The following NETO2 variants were observed in gnomAD, a reference collection of about 807,000 sequenced individuals.
NETO2 encodes neuropilin and tolloid-like protein 2.
A neutral mutation model predicts 62.5 loss-of-function variants in NETO2; 28 were observed. The observed-to-expected ratio is 0.45, with a 90% CI of 0.33 to 0.61. The LOEUF (loss-of-function observed/expected upper bound fraction) is 0.61. Ranked by LOEUF, NETO2 falls within the 20% of genes least tolerant of loss-of-function variation. NETO2 has a pLI of 0.02. For synonymous variants in NETO2, 214 were observed against 219.1 expected (o/e 0.98, Z 0.21); for missense variants, 548 against 643.2 (o/e 0.85, Z 1.60).
chr16:47,091,022 C>A (rs1386873175), intron 7 of NETO2, among the ~76,000 whole-genome samples: 1 of 151,980 alleles, frequency 6.6e-6, no homozygotes, highest in Non-Finnish European at 1.5e-5. Context: ...TAGAGGAGAA[C>A]AAAAGAAATA....
chr16:47,104,402 C>T (rs1420376186), intron 7 of NETO2, among the ~76,000 whole-genome samples: 1 of 152,174 alleles, frequency 6.6e-6, no homozygotes, highest in Non-Finnish European at 1.5e-5. Flanking sequence ...TGGGAATATA[C>T]ATCCTGTGTT....
chr16:47,099,940 C>T (rs1963507030), intron 7 of NETO2, among the ~76,000 whole-genome samples: 1 of 152,206 alleles, frequency 6.6e-6, no homozygotes, highest in Non-Finnish European at 1.5e-5. Flanking sequence ...GACTTGAACT[C>T]AGCTCTGTAC....
At chr16:47,099,948 T>TA (rs1483580289) in intron 7 of NETO2, among the ~76,000 whole-genome samples, 6 of 152,118 alleles carry the variant, frequency 3.9e-5, no homozygotes, top group Non-Finnish European at 5.9e-5. Flanking sequence ...CTCAGCTCTG[T>TA]ACCAAGCAGA....
At chr16:47,114,365 C>CTTT (rs34670065) in intron 6 of NETO2, among the ~76,000 whole-genome samples, 24 of 72,528 alleles carry the variant, frequency 3.3e-4, no homozygotes, top group African/African-American at 6.3e-4. Flanking sequence ...CAGTCAGTGG[C>CTTT]TTTTTTTTTT....
chr16:47,083,043 GGTTT>G lies in NETO2; in HGVS notation c.*174_*177del. Reference sequence around the variant, plus strand: ...ACTGAATAGAGTAAGTTCCTTGATTGGTTTAACATATATAGACTGCCTGAGAGAA... The same window carrying G: ...ACTGAATAGAGTAAGTTCCTTGATTGAACATATATAGACTGCCTGAGAGAA... On this transcript the variant is annotated 3_prime_UTR_variant, in exon 9 of 9. Transcript: ENST00000562435. 1.8e-6 allele frequency: 1 copy of G among 553,034 alleles called. No individual in the cohort carries two copies. The highest frequency in any genetic ancestry group is 3.3e-5 in the South Asian group (1 of 30,764). 34.3% of individuals were successfully genotyped at this position (553,034 alleles called of 1,614,324 possible).
Position 47,128,428 on chromosome 16 carries a change from G to T in NETO2, c.378C>A (p.Ser126Arg). 6.2e-7 allele frequency: 1 copy of T among 1,614,020 alleles called. No homozygotes were observed. Among genetic ancestry groups the T allele is most frequent in the Non-Finnish European group, 8.5e-7 (1 of 1,179,984 alleles). ...TCCCTGTTGATCTAATTAATGGAGG[G>T]CTTTTCACGCCACAGTAACGATCTA... Reference protein sequence around the residue: ...PLIDRYCGVKSPPLIRSTGRF... With the variant: ...PLIDRYCGVKRPPLIRSTGRF... The change falls in exon 4 of 9, where the codon AGC becomes AGA. Residue 126 changes from serine to arginine, a missense_variant. Coordinates refer to ENST00000562435, the MANE Select transcript of NETO2 (RefSeq NM_018092.5).
intron 6 of NETO2, among the ~76,000 whole-genome samples, chr16:47,115,939 G>A (rs1444440037): frequency 6.6e-6 from 1 of 151,278 alleles, no homozygotes; most frequent in Non-Finnish European, 1.5e-5. Flanking sequence ...TGTTCCAGGA[G>A]CTTTTCAGAT....
chr16:47,135,447 C>A (rs1596750715), intron 1 of NETO2, among the ~76,000 whole-genome samples: 1 of 152,112 alleles, frequency 6.6e-6, no homozygotes, highest in Admixed American at 6.5e-5. Context: ...TTTAACCATG[C>A]AATTTGATTG....
intron 6 of NETO2, among the ~76,000 whole-genome samples, chr16:47,120,830 C>G (rs1964022911): frequency 6.6e-6 from 1 of 152,144 alleles, no homozygotes; most frequent in African/African-American, 2.4e-5. Context: ...GTCAGTGTCA[C>G]TTAAATTTTT....
chr16:47,118,124 C>A (rs1306873750), intron 6 of NETO2, among the ~76,000 whole-genome samples: 1 of 152,030 alleles, frequency 6.6e-6, no homozygotes, highest in Admixed American at 6.6e-5. Context: ...TGGAGAATGT[C>A]GTTTTTTGTT....
rs1964519616 is a variant in NETO2, at chr16:47,143,859, A to C, written c.-247T>G. The C allele has an allele frequency of 6.4e-6, 2 of 311,274 alleles. No homozygotes were observed. Among genetic ancestry groups the C allele is most frequent in the Non-Finnish European group, 5.4e-6 (1 of 185,696 alleles). The allele number at this position is 311,274 out of a possible 1,614,324, so 19.3% of individuals were successfully genotyped here. A position where few individuals can be genotyped will look rare whatever the true frequency, so the allele number is the denominator to read the frequency against. On this transcript the variant is annotated 5_prime_UTR_variant, in exon 1 of 9. Coordinates refer to ENST00000562435, the MANE Select transcript of NETO2 (RefSeq NM_018092.5). Reference sequence around the variant, plus strand: ...TGCTCCGCGGCGCCCCGTCCCATCGACCGCCCGAGGGCCGAGGAGTGCGGA... The same window carrying C: ...TGCTCCGCGGCGCCCCGTCCCATCGCCCGCCCGAGGGCCGAGGAGTGCGGA...
chr16:47,130,252 G>C (rs1964237846), intron 2 of NETO2, among the ~76,000 whole-genome samples: 1 of 152,146 alleles, frequency 6.6e-6, no homozygotes, highest in Non-Finnish European at 1.5e-5. Flanking sequence ...TTCTTCTCTG[G>C]GAGTCGAAAC....
chr16:47,088,830 C>T (rs949611034), intron 7 of NETO2, among the ~76,000 whole-genome samples: 2 of 152,134 alleles, frequency 1.3e-5, no homozygotes, highest in South Asian at 2.1e-4. Flanking sequence ...CTGCCTTACC[C>T]ACTTTGTCTA....
At chr16:47,138,306 A>C (rs1964398756) in intron 1 of NETO2, among the ~76,000 whole-genome samples, 2 of 152,226 alleles carry the variant, frequency 1.3e-5, no homozygotes, top group Non-Finnish European at 2.9e-5. Flanking sequence ...AGGCTGAGGC[A>C]GGAGAATCGC....
rs762457303 is a variant in NETO2 at position 47,122,865 on chromosome 16, A to C, written c.526+3T>G. The C allele has an allele frequency of 2.5e-6, 4 of 1,613,898 alleles. No individual in the cohort carries two copies. The highest frequency in any genetic ancestry group is 3.4e-6 in the Non-Finnish European group (4 of 1,179,948). ...AAGAGGAACAAGTGGTAATATACTAAACCTGGAATGGGATTTAAAATACCT... is the reference window on the plus strand; with the variant it reads ...AAGAGGAACAAGTGGTAATATACTACACCTGGAATGGGATTTAAAATACCT... On this transcript the variant is annotated splice_donor_region_variant and intron_variant, in intron 5 of 8. Transcript: ENST00000562435.
chr16:47,128,258 C>A, intron 4 of NETO2, 67 bp downstream of exon 4: 1 of 1,532,264 alleles, frequency 6.5e-7, no homozygotes, highest in African/African-American at 1.4e-5. Flanking sequence ...TCTTTTCTAA[C>A]CTTAAGATTC....
chr16:47,141,192 T>C (rs1291107156), intron 1 of NETO2, among the ~76,000 whole-genome samples: 2 of 152,262 alleles, frequency 1.3e-5, no homozygotes, highest in Non-Finnish European at 2.9e-5. Context: ...ACACTCATTA[T>C]GGCTGATTTA....
At position 47,091,873 on chromosome 16, in the gene NETO2, ACT is replaced by A. The variant is rs1032227724; in HGVS notation, c.884-5536_884-5535del. On this transcript the variant is annotated intron_variant, in intron 7 of 8. Coordinates refer to ENST00000562435, the MANE Select transcript of NETO2 (RefSeq NM_018092.5). ...ATTTTTTTTTTGGAGACAGAGTCTC[ACT>A]CTGTTGCCCAGGCTGGAATGCAGTG... 4.0e-5 allele frequency among the ~76,000 whole-genome samples: 6 copies of A among 151,546 alleles called. 1 individual carries two copies. The highest frequency in any genetic ancestry group is 1.5e-4 in the African/African-American group (6 of 41,214).
At chr16:47,141,793 G>A (rs1169069108) in intron 1 of NETO2, among the ~76,000 whole-genome samples, 1 of 152,302 alleles carries the variant, frequency 6.6e-6, no homozygotes, top group East Asian at 1.9e-4. Context: ...TGTTTTCACC[G>A]TAGCTCTGCC....
Sources: gnomAD v4.1 joint callset for allele counts (sites outside exome capture counted in the v4.1 genomes callset) on GRCh38, gnomAD v4.1.1 for gene constraint, MANE v1.5 for transcripts, NCBI Gene and HGNC (gene_info 2026-07-23, HGNC 2026-07-21) for gene names.